The following SFMBT2 variants were observed in gnomAD, a reference collection of about 807,000 sequenced individuals.
The protein encoded by SFMBT2 is scm-like with four MBT domains protein 2.
Under a neutral mutation model 110.1 loss-of-function variants are expected in SFMBT2, and 38 were observed. The observed-to-expected ratio is 0.35, with a 90% CI of 0.27 to 0.45. The LOEUF (loss-of-function observed/expected upper bound fraction) is 0.45. SFMBT2 is among the 20% of genes least tolerant of loss of function. SFMBT2 has a pLI of 1.00. For missense variants in SFMBT2, 1,011 were observed against 1,094.9 expected (o/e 0.92, Z 1.08); for synonymous variants, 425 against 425.4 (o/e 1.00, Z 0.01).
At position 7,186,459 on chromosome 10, in the gene SFMBT2, C is replaced by CACATAT. The variant is rs748644225; in HGVS notation, c.1808+2164_1808+2165insATATGT. 4.0e-3 allele frequency among the ~76,000 whole-genome samples: 507 copies of CACATAT among 126,862 alleles called. 5 individuals carry two copies. Among genetic ancestry groups the CACATAT allele is most frequent in the African/African-American group, 0.015 (465 of 30,822 alleles). The allele number at this position is 126,862 out of a possible 152,430, so 83.2% of individuals were successfully genotyped here. A position where few individuals can be genotyped will look rare whatever the true frequency, so the allele number is the denominator to read the frequency against. ...ACACACACACACACACACACACACA[C>CACATAT]ATATATATATATATAAAAATATTTT... On this transcript the variant is annotated intron_variant, in intron 16 of 20. Coordinates refer to ENST00000397167, the MANE Select transcript of SFMBT2 (RefSeq NM_001387889.1).
At chr10:7,310,634 ATCT>A (rs1293791994) in intron 4 of SFMBT2, among the ~76,000 whole-genome samples, 1 of 152,212 alleles carries the variant, frequency 6.6e-6, no homozygotes, top group African/African-American at 2.4e-5. Context: ...TCCTAAATGG[ATCT>A]TCTTCAGAAT....
intron 4 of SFMBT2, among the ~76,000 whole-genome samples, chr10:7,323,450 CAAAAAAAA>C (rs1388420156): frequency 1.7e-4 from 4 of 22,906 alleles, no homozygotes; most frequent in Non-Finnish European, 3.5e-4. Flanking sequence ...GACTCCATCT[CAAAAAAAA>C]AAAAAAAAAA....
At chr10:7,349,027 C>T (rs1413589078) in intron 4 of SFMBT2, among the ~76,000 whole-genome samples, 3 of 152,158 alleles carry the variant, frequency 2.0e-5, no homozygotes, top group Admixed American at 1.3e-4. Flanking sequence ...GATGGTCACC[C>T]ACCCATTCTC....
In SFMBT2 at chr10:7,164,791, A is replaced by ACACACACC. The variant is rs773552968; in HGVS notation, c.2545-882_2545-881insGGTGTGTG. 7.4e-3 allele frequency among the ~76,000 whole-genome samples: 817 copies of ACACACACC among 110,618 alleles called. 9 individuals are homozygous for ACACACACC. The highest frequency in any genetic ancestry group is 0.023 in the African/African-American group (748 of 32,976). The allele number at this position is 110,618 out of a possible 152,430, so 72.6% of individuals were successfully genotyped here. The stretch of plus-strand genomic sequence containing the variant: ...CACACACACACACACACACACACAC[A>ACACACACC]CCATTTACAGACACACACTCCCCAG... On this transcript the variant is annotated intron_variant, in intron 20 of 20. Transcript: ENST00000397167.
chr10:7,267,292 T>C (rs1374523813), intron 7 of SFMBT2, among the ~76,000 whole-genome samples: 2 of 152,212 alleles, frequency 1.3e-5, no homozygotes, highest in Non-Finnish European at 2.9e-5. Flanking sequence ...TTCACTGTAA[T>C]AACCTATAAC....
chr10:7,386,936 G>A (rs1174768722), intron 1 of SFMBT2, among the ~76,000 whole-genome samples: 1 of 152,170 alleles, frequency 6.6e-6, no homozygotes, highest in Non-Finnish European at 1.5e-5. Flanking sequence ...CGCTAGTGGT[G>A]GGGCTGCGGT....
chr10:7,239,325 A>T (rs1840363772), intron 9 of SFMBT2, among the ~76,000 whole-genome samples: 3 of 152,246 alleles, frequency 2.0e-5, no homozygotes, highest in Admixed American at 2.0e-4. Context: ...AATAAATCCC[A>T]CATATTCTAC....
rs1162967108 is a variant in SFMBT2, at chr10:7,227,107, A to G, written c.1203+748T>C. Among the ~76,000 whole-genome samples, 4 of 152,330 alleles carry G rather than the reference A, an allele frequency of 2.6e-5. No individual in the cohort carries two copies. The East Asian group carries it at 7.7e-4, about 29-fold the overall frequency. Reference sequence around the variant, plus strand: ...ACAAAAATCCTATTATTATGTTCCAATTAGCTCTATATGAAGCAGGTAGTA... The same window carrying G: ...ACAAAAATCCTATTATTATGTTCCAGTTAGCTCTATATGAAGCAGGTAGTA... On this transcript the variant is annotated intron_variant, in intron 10 of 20. Transcript: ENST00000397167.
At chr10:7,324,960 A>AATT (rs1843331712) in intron 4 of SFMBT2, among the ~76,000 whole-genome samples, 1 of 113,458 alleles carries the variant, frequency 8.8e-6, no homozygotes, top group Non-Finnish European at 1.8e-5. Context: ...TAGAGGCCCC[A>AATT]CTTTTTTTTT....
chr10:7,311,386 T>C (rs573308951), intron 4 of SFMBT2, among the ~76,000 whole-genome samples: 36 of 152,252 alleles, frequency 2.4e-4, no homozygotes, highest in Non-Finnish European at 4.1e-4. Context: ...GATTCTTCCA[T>C]TGACGGCGAC....
intron 9 of SFMBT2, among the ~76,000 whole-genome samples, chr10:7,237,786 T>C (rs1840303582): frequency 6.6e-6 from 1 of 152,188 alleles, no homozygotes; most frequent in African/African-American, 2.4e-5. Context: ...TATTTGTGTA[T>C]TATATGATAA....
At chr10:7,351,738 G>A (rs1254637803) in intron 4 of SFMBT2, among the ~76,000 whole-genome samples, 3 of 152,224 alleles carry the variant, frequency 2.0e-5, no homozygotes, top group East Asian at 1.9e-4. Context: ...GGACGTGGCC[G>A]AGTGAGGAGC....
At chr10:7,166,551 T>C (rs79668366) in intron 20 of SFMBT2, among the ~76,000 whole-genome samples, 2,804 of 152,344 alleles carry the variant, frequency 0.018, 50 homozygotes, top group Non-Finnish European at 0.029. Flanking sequence ...CTGGGGAATG[T>C]CACAGTGAAC....
At chr10:7,297,562 G>A (rs1464633633) in intron 4 of SFMBT2, among the ~76,000 whole-genome samples, 1 of 152,156 alleles carries the variant, frequency 6.6e-6, no homozygotes, top group African/African-American at 2.4e-5. Flanking sequence ...GAAGCAGGAG[G>A]AGGATGAGGA....
At chr10:7,348,316 G>C (rs1195215684) in intron 4 of SFMBT2, 6 of 1,530,040 alleles carry the variant, frequency 3.9e-6, no homozygotes, top group Non-Finnish European at 5.3e-6. Context: ...GAAGCTGATG[G>C]CTTGACATCA....
At chr10:7,379,535 A>C (rs1193270995) in intron 2 of SFMBT2, among the ~76,000 whole-genome samples, 1 of 152,180 alleles carries the variant, frequency 6.6e-6, no homozygotes, top group Non-Finnish European at 1.5e-5. Flanking sequence ...ACTCTGCTTT[A>C]AATGTGTGTC....
chr10:7,196,561 A>G (rs989225259), intron 15 of SFMBT2, among the ~76,000 whole-genome samples: 5 of 152,216 alleles, frequency 3.3e-5, no homozygotes, highest in Non-Finnish European at 7.3e-5. Flanking sequence ...CATCTCCCTA[A>G]CAAGAGCAGG....
chr10:7,212,213 G>A (rs960733111), intron 11 of SFMBT2, among the ~76,000 whole-genome samples: 4 of 152,208 alleles, frequency 2.6e-5, no homozygotes, highest in Non-Finnish European at 4.4e-5. Context: ...ACCAGTCAAG[G>A]AGTTTCTGAA....
chr10:7,257,595 CAG>C (rs1841067593), intron 7 of SFMBT2, among the ~76,000 whole-genome samples: 1 of 152,136 alleles, frequency 6.6e-6, no homozygotes, highest in Non-Finnish European at 1.5e-5. Flanking sequence ...GTATTACTAA[CAG>C]AGAGACAGGA....
Sources: gnomAD v4.1 joint callset for allele counts (sites outside exome capture counted in the v4.1 genomes callset) on GRCh38, gnomAD v4.1.1 for gene constraint, MANE v1.5 for transcripts, NCBI Gene and HGNC (gene_info 2026-07-23, HGNC 2026-07-21) for gene names.